Variants in SGCZ observed in about 807,000 individuals in gnomAD.
The protein encoded by SGCZ is sarcoglycan zeta.
Under a neutral mutation model 41.3 loss-of-function variants are expected in SGCZ, and 40 were observed. The ratio of observed to expected loss-of-function variants is 0.97; its 90% CI spans 0.75 to 1.26. SGCZ has a LOEUF of 1.26. Among genes scored for constraint, SGCZ ranks in the 50% most tolerant of loss-of-function variants. The probability of loss-of-function intolerance (pLI) is 0.00; values close to 1 mark genes in which losing one functional copy is unlikely to be tolerated. For missense variants in SGCZ, 552 were observed against 369.8 expected, an observed-to-expected ratio of 1.49 and a Z score of -4.04; for synonymous variants, 206 against 137.5, an observed-to-expected ratio of 1.50 and a Z score of -3.49.
chr8:14,597,051 G>C (rs779926906), intron 1 of SGCZ, among the ~76,000 whole-genome samples: 1 of 152,136 alleles, frequency 6.6e-6, no homozygotes, highest in Non-Finnish European at 1.5e-5. Flanking sequence ...AGGTAGTTTA[G>C]TAGGCAGCAT....
intron 2 of SGCZ, among the ~76,000 whole-genome samples, chr8:14,543,835 T>C (rs887268284): frequency 6.6e-6 from 1 of 152,168 alleles, no homozygotes; most frequent in Admixed American, 6.5e-5. Context: ...TGAGTTCAAA[T>C]TCTGTTTGAC....
At chr8:14,140,743 G>A (rs973096082) in intron 5 of SGCZ, among the ~76,000 whole-genome samples, 1 of 152,090 alleles carries the variant, frequency 6.6e-6, no homozygotes, top group Non-Finnish European at 1.5e-5. Flanking sequence ...TGGCCATACT[G>A]CCCAAGGTAA....
chr8:14,225,580 G>C (rs917578072), intron 4 of SGCZ, among the ~76,000 whole-genome samples: 1 of 151,966 alleles, frequency 6.6e-6, no homozygotes, highest in South Asian at 2.1e-4. Flanking sequence ...TATGCTAGAA[G>C]AAAAAGACAG....
intron 1 of SGCZ, among the ~76,000 whole-genome samples, chr8:14,814,906 T>G (rs1387778305): frequency 6.6e-6 from 1 of 152,206 alleles, no homozygotes; most frequent in African/African-American, 2.4e-5. Flanking sequence ...ATATAGTTGC[T>G]ATTTCATCCT....
In SGCZ at chr8:14,778,332, AG is replaced by A. The variant is rs1274993881; in HGVS notation, c.40-223407del. The stretch of plus-strand genomic sequence containing the variant: ...ATTTCAGAATAGGATTTCTCAAGAG[AG>A]GACACTGGTCACTTGAGGACCTAAA... On this transcript the variant is annotated intron_variant, in intron 1 of 7. Coordinates refer to ENST00000382080, the MANE Select transcript of SGCZ (RefSeq NM_139167.4). Among the ~76,000 whole-genome samples the A allele has an allele frequency of 1.5e-4, 23 of 152,276 alleles. No homozygotes were observed. The East Asian group carries it at 4.3e-3, about 28-fold the overall frequency.
intron 1 of SGCZ, among the ~76,000 whole-genome samples, chr8:14,864,019 G>C (rs770391895): frequency 6.6e-6 from 1 of 152,058 alleles, no homozygotes; most frequent in Non-Finnish European, 1.5e-5. Flanking sequence ...AAAACAGAAC[G>C]CGACCTTCTC....
chr8:15,135,875 G>A (rs1440266559), intron 1 of SGCZ, among the ~76,000 whole-genome samples: 4 of 152,196 alleles, frequency 2.6e-5, no homozygotes. Flanking sequence ...CCATCCATAA[G>A]CAGTATGCCC....
intron 1 of SGCZ, among the ~76,000 whole-genome samples, chr8:14,955,717 C>CT (rs913847335): frequency 5.9e-4 from 89 of 151,886 alleles, no homozygotes; most frequent in African/African-American, 1.8e-3. Flanking sequence ...TTATCAAGAC[C>CT]TTTTTTTTCA....
chr8:14,652,712 A>G (rs923546137), intron 1 of SGCZ, among the ~76,000 whole-genome samples: 1 of 152,108 alleles, frequency 6.6e-6, no homozygotes, highest in Non-Finnish European at 1.5e-5. Flanking sequence ...ATAGGAAAGG[A>G]AAGTTTGTTA....
At chr8:14,991,974 C>A (rs927410254) in intron 1 of SGCZ, among the ~76,000 whole-genome samples, 1 of 151,204 alleles carries the variant, frequency 6.6e-6, no homozygotes, top group Non-Finnish European at 1.5e-5. Flanking sequence ...AATCTACTCC[C>A]AAAACTAGTA....
chr8:14,388,717 T>C (rs1239712913), intron 2 of SGCZ, among the ~76,000 whole-genome samples: 1 of 151,824 alleles, frequency 6.6e-6, no homozygotes, highest in East Asian at 1.9e-4. Context: ...GAACAAGCAA[T>C]GATGGAGTTA....
chr8:15,100,792 G>T (rs1806580558), intron 1 of SGCZ, among the ~76,000 whole-genome samples: 1 of 152,058 alleles, frequency 6.6e-6, no homozygotes, highest in Non-Finnish European at 1.5e-5. Flanking sequence ...AGTCCGGCCT[G>T]GGCAATGAAG....
chr8:14,925,230 A>G (rs1335334951), intron 1 of SGCZ, among the ~76,000 whole-genome samples: 1 of 152,084 alleles, frequency 6.6e-6, no homozygotes, highest in Non-Finnish European at 1.5e-5. Context: ...TATACCACAA[A>G]CTGTCTTAAT....
chr8:14,483,192 T>C (rs1801581702), intron 2 of SGCZ, among the ~76,000 whole-genome samples: 2 of 152,172 alleles, frequency 1.3e-5, no homozygotes. Context: ...GATCAGATTT[T>C]TACATTTCAA....
chr8:14,300,639 C>T (rs1801155330), intron 3 of SGCZ, among the ~76,000 whole-genome samples: 1 of 151,836 alleles, frequency 6.6e-6, no homozygotes, highest in African/African-American at 2.4e-5. Context: ...AATAAGTAAT[C>T]GCTGGGTGGA....
intron 2 of SGCZ, among the ~76,000 whole-genome samples, chr8:14,371,618 A>C (rs573819139): frequency 1.3e-5 from 2 of 152,212 alleles, no homozygotes; most frequent in South Asian, 4.1e-4. Flanking sequence ...AATTCCTCTG[A>C]GAGTCTACTC....
chr8:15,049,856 C>A (rs1055932282), intron 1 of SGCZ, among the ~76,000 whole-genome samples: 1 of 152,130 alleles, frequency 6.6e-6, no homozygotes, highest in Non-Finnish European at 1.5e-5. Context: ...AGTTCTCCTG[C>A]ACAAGCTGTC....
intron 1 of SGCZ, among the ~76,000 whole-genome samples, chr8:14,573,195 T>TA (rs1436783819): frequency 7.4e-6 from 1 of 134,928 alleles, no homozygotes; most frequent in African/African-American, 2.8e-5. Flanking sequence ...AAGTCTTTTT[T>TA]TTTTTTTTTT....
intron 2 of SGCZ, among the ~76,000 whole-genome samples, chr8:14,372,654 C>A (rs1291228684): frequency 6.6e-6 from 1 of 152,034 alleles, no homozygotes; most frequent in East Asian, 1.9e-4. Context: ...CTGAAGAGGG[C>A]AAGGGAGTGA....
Sources: allele counts gnomAD v4.1 joint callset (sites outside exome capture counted in the v4.1 genomes callset), GRCh38; gene constraint gnomAD v4.1.1; transcripts MANE v1.5; gene names NCBI Gene and HGNC (gene_info 2026-07-23, HGNC 2026-07-21).